Variants in CCDC171 observed in about 807,000 individuals in gnomAD.
CCDC171 encodes the protein coiled-coil domain-containing protein 171.
A neutral mutation model predicts 168.2 loss-of-function variants in CCDC171; 177 were observed. The observed-to-expected ratio is 1.05, with a 90% confidence interval of 0.93 to 1.19. The LOEUF is 1.19. Ranked by LOEUF, CCDC171 falls within the 50% of genes most tolerant of loss-of-function variation. CCDC171 has a pLI of 0.00. For synonymous variants in CCDC171, 687 were observed against 540.8 expected (o/e 1.27, Z -3.75); for missense variants, 1,991 against 1,539.0 (o/e 1.29, Z -4.91).
intron 11 of CCDC171, among the ~76,000 whole-genome samples, chr9:15,717,495 C>T (rs925114203): frequency 1.3e-5 from 2 of 152,150 alleles, no homozygotes; most frequent in African/African-American, 4.8e-5. Flanking sequence ...TAGTGAGACA[C>T]CAGCGGGGGC....
chr9:15,998,766 A>G (rs1832445245), intron 3 of CCDC171, among the ~76,000 whole-genome samples: 1 of 152,198 alleles, frequency 6.6e-6, no homozygotes, highest in Non-Finnish European at 1.5e-5. Context: ...ACTTGCATTC[A>G]TTAAATGCAG....
chr9:15,629,905 G>C (rs1186883093), intron 7 of CCDC171, among the ~76,000 whole-genome samples: 1 of 152,130 alleles, frequency 6.6e-6, no homozygotes, highest in Non-Finnish European at 1.5e-5. Flanking sequence ...TTTCAACCCA[G>C]AATTTCTTAT....
At chr9:15,755,644 C>T (rs1481450949) in intron 18 of CCDC171, among the ~76,000 whole-genome samples, 2 of 152,104 alleles carry the variant, frequency 1.3e-5, no homozygotes, top group Non-Finnish European at 2.9e-5. Flanking sequence ...CTGCTACATG[C>T]TATAATGTGA....
At chr9:15,975,840 C>G (rs146650300), downstream of CCDC171, among the ~76,000 whole-genome samples, 163 of 152,266 alleles carry the variant, frequency 1.1e-3, no homozygotes, top group Middle Eastern at 3.4e-3. Flanking sequence ...ATGTTACCGT[C>G]TACGGCAAAG....
intron 3 of CCDC171, among the ~76,000 whole-genome samples, chr9:16,007,985 C>T (rs1832756377): frequency 6.6e-6 from 1 of 151,996 alleles, no homozygotes; most frequent in African/African-American, 2.4e-5. Context: ...GATACAAGAC[C>T]CTTATATATA....
intron 16 of CCDC171, among the ~76,000 whole-genome samples, chr9:15,736,320 G>C (rs1284921997): frequency 6.6e-6 from 1 of 151,680 alleles, no homozygotes; most frequent in African/African-American, 2.4e-5. Flanking sequence ...AATAGGTATA[G>C]TGATACCTCA....
At chr9:16,031,455 T>C (rs571260166) in intron 6 of CCDC171, among the ~76,000 whole-genome samples, 6 of 152,356 alleles carry the variant, frequency 3.9e-5, no homozygotes, top group African/African-American at 1.4e-4. Context: ...ACTGTAGATG[T>C]TGGCAATAAT....
At chr9:16,052,404 G>A (rs547552744) in intron 1 of CCDC171, among the ~76,000 whole-genome samples, 8 of 152,118 alleles carry the variant, frequency 5.3e-5, no homozygotes, top group Admixed American at 1.3e-4. Context: ...ATGAACGAGT[G>A]ACAGCACTCT....
intron 24 of CCDC171, among the ~76,000 whole-genome samples, chr9:15,919,706 T>C (rs1375632699): frequency 6.6e-6 from 1 of 151,632 alleles, no homozygotes; most frequent in Non-Finnish European, 1.5e-5. Context: ...TGTTAATTGT[T>C]TTATTATGTA....
rs1827921122 is a variant in CCDC171, at chr9:15,943,207, G to A, written c.3753+22785G>A. Among the ~76,000 whole-genome samples, 3 of 151,910 alleles carry A rather than the reference G, an allele frequency of 2.0e-5. No homozygotes were observed. The South Asian group carries it at 6.2e-4, about 32-fold the overall frequency. On this transcript the variant is annotated intron_variant, in intron 25 of 25. Transcript: ENST00000380701. ...ATATTTAATTCAGTGATCCTAGTTCGCATGGTGGCAGTGTGGTATTTTCAT... is the reference window on the plus strand; with the variant it reads ...ATATTTAATTCAGTGATCCTAGTTCACATGGTGGCAGTGTGGTATTTTCAT...
At chr9:15,570,726 T>TCGTTCTGGCAAGAA (rs1341991224) in intron 2 of CCDC171, among the ~76,000 whole-genome samples, 8 of 152,336 alleles carry the variant, frequency 5.3e-5, no homozygotes, top group African/African-American at 1.9e-4. Flanking sequence ...TTGACTGCCA[T>TCGTTCTGGCAAGAA]CGTTCTGGCA....
At chr9:15,707,225 C>T (rs6474951) in intron 11 of CCDC171, among the ~76,000 whole-genome samples, 68,927 of 152,022 alleles carry the variant, frequency 0.45, 15,973 homozygotes, top group Non-Finnish European at 0.51. Context: ...TCATTATACT[C>T]ATAGTTTCAG....
Position 15,993,439 on chromosome 9 carries a change from T to G in CCDC171, n.369-27150T>G, listed in dbSNP as rs1832267818. Among the ~76,000 whole-genome samples, 3 of 152,180 alleles carry G rather than the reference T, an allele frequency of 2.0e-5. 1 individual carries two copies. In the South Asian group the frequency reaches 6.2e-4, roughly 32 times the overall value. On this transcript the variant is annotated intron_variant and non_coding_transcript_variant, in intron 3 of 9. Coordinates refer to the CCDC171 transcript ENST00000486641. ...CCTTCCTTACAGCTTATACAAAAAT[T>G]ATTTCAAGATGGGTTAAAGACTTAA...
At chr9:16,013,108 C>T (rs767990893) in intron 3 of CCDC171, among the ~76,000 whole-genome samples, 4 of 152,208 alleles carry the variant, frequency 2.6e-5, no homozygotes, top group Admixed American at 1.3e-4. Context: ...ACCTCTTTGC[C>T]TCCTTGGACT....
chr9:16,016,708 G>T (rs1388023243), intron 3 of CCDC171, among the ~76,000 whole-genome samples: 1 of 152,174 alleles, frequency 6.6e-6, no homozygotes, highest in Non-Finnish European at 1.5e-5. Context: ...GTTGCCACTT[G>T]GGTCTGCAGA....
chr9:15,873,476 G>T (rs1252242110), intron 23 of CCDC171, among the ~76,000 whole-genome samples: 2 of 151,904 alleles, frequency 1.3e-5, no homozygotes, highest in African/African-American at 2.4e-5. Context: ...AAAACTTTTT[G>T]TTCTGTGGCA....
At chr9:15,863,406 A>C (rs1021097747) in intron 23 of CCDC171, among the ~76,000 whole-genome samples, 1 of 151,986 alleles carries the variant, frequency 6.6e-6, no homozygotes, top group Non-Finnish European at 1.5e-5. Flanking sequence ...TGGGGGAAGG[A>C]GAGTCCAGGG....
At chr9:15,685,220 GTTTT>G in intron 10 of CCDC171, among the ~76,000 whole-genome samples, 1 of 152,088 alleles carries the variant, frequency 6.6e-6, no homozygotes, top group South Asian at 2.1e-4. Flanking sequence ...TTAGTACTTT[GTTTT>G]CAGCTCAACA....
chr9:15,955,777 TATTAC>T (rs1439950961), intron 25 of CCDC171, among the ~76,000 whole-genome samples: 1 of 152,178 alleles, frequency 6.6e-6, no homozygotes, highest in African/African-American at 2.4e-5. Flanking sequence ...CACTATATTA[TATTAC>T]ATTTTTAATA....
Sources: allele counts gnomAD v4.1 joint callset (sites outside exome capture counted in the v4.1 genomes callset), GRCh38; gene constraint gnomAD v4.1.1; transcripts MANE v1.5; gene names NCBI Gene and HGNC (gene_info 2026-07-23, HGNC 2026-07-21).